The following PIWIL2 variants were observed in gnomAD, a reference collection of about 807,000 sequenced individuals.
The protein encoded by PIWIL2 is piwi like RNA-mediated gene silencing 2.
PIWIL2 carries 81 observed loss-of-function variants against 116.5 expected under a neutral mutation model. That is an observed-to-expected ratio of 0.70 (90% CI 0.58 to 0.84). The LOEUF (loss-of-function observed/expected upper bound fraction) is 0.84, where lower values mean the gene tolerates loss of function less well. PIWIL2 is among the 40% of genes least tolerant of loss of function. PIWIL2 has a pLI of 0.00. For synonymous variants in PIWIL2, 489 were observed against 429.5 expected (o/e 1.14, Z -1.71); for missense variants, 1,272 against 1,212.3 (o/e 1.05, Z -0.73).
chr8:22,348,198 G>A (rs1489419742), intron 20 of PIWIL2, among the ~76,000 whole-genome samples: 1 of 151,894 alleles, frequency 6.6e-6, no homozygotes, highest in African/African-American at 2.4e-5. Context: ...CTACTCGGGG[G>A]CCGAGGCAGG....
rs754648485 is a variant in PIWIL2 at position 22,322,424 on chromosome 8, T to C, written c.2403+4149T>C. 3.3e-5 allele frequency among the ~76,000 whole-genome samples: 5 copies of C among 152,114 alleles called. No homozygotes were observed. In the East Asian group the frequency reaches 9.7e-4, roughly 29 times the overall value. The stretch of plus-strand genomic sequence containing the variant: ...TACCACCACACCCAGCTAATTTTTG[T>C]ATTTTTTGTAGAGACAGAGGGTCAC... On this transcript the variant is annotated intron_variant, in intron 20 of 22. Coordinates refer to ENST00000356766, the MANE Select transcript of PIWIL2 (RefSeq NM_018068.5).
At chr8:22,287,690 G>T in intron 7 of PIWIL2, 45 bp downstream of exon 7, 1 of 1,220,166 alleles carries the variant, frequency 8.2e-7, no homozygotes. Context: ...CCCTAAGAGT[G>T]CTCTGGCGTT....
intron 20 of PIWIL2, among the ~76,000 whole-genome samples, chr8:22,347,191 G>A (rs1354067084): frequency 6.8e-6 from 1 of 146,678 alleles, no homozygotes. Context: ...AAAAAAAGTA[G>A]CAAATTCAGC....
chr8:22,331,986 A>G (rs1467400734), intron 20 of PIWIL2, among the ~76,000 whole-genome samples: 3 of 152,144 alleles, frequency 2.0e-5, no homozygotes. Context: ...AGTAGCTTAG[A>G]TATAGCTGAG....
intron 1 of PIWIL2, among the ~76,000 whole-genome samples, chr8:22,278,617 G>A (rs1002030175): frequency 2.0e-5 from 3 of 152,196 alleles, no homozygotes; most frequent in Non-Finnish European, 4.4e-5. Context: ...AGGAGGACAC[G>A]GGCCTCTAAG....
chr8:22,355,082 A>C (rs912837007), intron 22 of PIWIL2, among the ~76,000 whole-genome samples: 5 of 151,546 alleles, frequency 3.3e-5, no homozygotes, highest in Non-Finnish European at 7.4e-5. Flanking sequence ...AAAAAAAACA[A>C]AACAAAAAAC....
chr8:22,332,986 G>A (rs1445269788), intron 20 of PIWIL2, among the ~76,000 whole-genome samples: 5 of 151,878 alleles, frequency 3.3e-5, no homozygotes, highest in Non-Finnish European at 5.9e-5. Flanking sequence ...CTATATATTT[G>A]TCTGTGCATA....
intron 20 of PIWIL2, among the ~76,000 whole-genome samples, chr8:22,350,320 G>C (rs760835457): frequency 4.6e-5 from 7 of 152,192 alleles, no homozygotes; most frequent in South Asian, 4.1e-4. Flanking sequence ...TACAGGCCAG[G>C]TATGGTATCT....
At chr8:22,301,725 T>TG (rs925059491) in intron 10 of PIWIL2, among the ~76,000 whole-genome samples, 1 of 118,220 alleles carries the variant, frequency 8.5e-6, no homozygotes, top group African/African-American at 2.6e-5. Context: ...AAAGATTTTC[T>TG]GTTTTTTTTT....
intron 20 of PIWIL2, among the ~76,000 whole-genome samples, chr8:22,340,548 G>C (rs191969125): frequency 5.8e-4 from 89 of 152,210 alleles, no homozygotes; most frequent in East Asian, 1.5e-3. Flanking sequence ...AGAAGACAGG[G>C]ATAGGACACA....
At chr8:22,327,189 C>A (rs1183156196) in intron 20 of PIWIL2, among the ~76,000 whole-genome samples, 1 of 151,436 alleles carries the variant, frequency 6.6e-6, no homozygotes, top group Non-Finnish European at 1.5e-5. Context: ...CCACCACACC[C>A]AGCTAATTTT....
chr8:22,312,521 C>G (rs1382783420), intron 16 of PIWIL2, among the ~76,000 whole-genome samples: 1 of 152,122 alleles, frequency 6.6e-6, no homozygotes, highest in African/African-American at 2.4e-5. Context: ...CTGCCTCAAC[C>G]TCCCAAAGCA....
intron 20 of PIWIL2, among the ~76,000 whole-genome samples, chr8:22,344,658 AG>A (rs1563426877): frequency 6.6e-6 from 1 of 152,176 alleles, no homozygotes; most frequent in Non-Finnish European, 1.5e-5. Flanking sequence ...GCTTGAGCCC[AG>A]GAGTTTGAGA....
chr8:22,354,380 T>G lies in PIWIL2; in HGVS notation c.2765+2T>G, dbSNP rs1388149283. 3.2e-6 allele frequency: 5 copies of G among 1,581,654 alleles called. No individual in the cohort carries two copies. The highest frequency in any genetic ancestry group is 3.5e-6 in the Non-Finnish European group (4 of 1,150,432). On this transcript the variant is annotated splice_donor_variant, in intron 22 of 22. Transcript: ENST00000356766. LOFTEE classifies it high-confidence loss of function. ...CCTGAGCCCTGATCATATGCAGAGG[T>G]GGGCCCATCAGTAACTTACTCTTTC...
intron 13 of PIWIL2, 79 bp from the exon 14 acceptor site, chr8:22,307,852 ATT>A (rs1831224330): frequency 9.2e-7 from 1 of 1,088,296 alleles, no homozygotes; most frequent in South Asian, 1.6e-5. Context: ...AAAGAGAAAC[ATT>A]TTAGACCTAC....
chr8:22,286,160 A>G (rs773094918), intron 6 of PIWIL2, among the ~76,000 whole-genome samples: 1 of 152,246 alleles, frequency 6.6e-6, no homozygotes, highest in Non-Finnish European at 1.5e-5. Context: ...GGCCACAGGA[A>G]AAAAAGCAAC....
rs56755716 is a variant in PIWIL2 at position 22,307,473 on chromosome 8, ATTTTTTT to A, written c.1546-440_1546-434del. Among the ~76,000 whole-genome samples, 132 of 111,234 alleles carry A rather than the reference ATTTTTTT, an allele frequency of 1.2e-3. 7 individuals are homozygous for A. Among genetic ancestry groups the A allele is most frequent in the African/African-American group, 1.5e-3 (34 of 22,652 alleles). The allele number at this position is 111,234 out of a possible 152,430, so 73.0% of individuals were successfully genotyped here. On this transcript the variant is annotated intron_variant, in intron 13 of 22. Coordinates refer to ENST00000356766, the MANE Select transcript of PIWIL2 (RefSeq NM_018068.5). ...GACATTTGAAATTCTTTTATTATTC[ATTTTTTT>A]TTTTTTTTTTTTTTTTTTTGGAGAT...
chr8:22,297,925 A>G (rs985182414), intron 10 of PIWIL2, among the ~76,000 whole-genome samples: 1 of 152,196 alleles, frequency 6.6e-6, no homozygotes, highest in Non-Finnish European at 1.5e-5. Context: ...AAAATGCCTT[A>G]TATGTATAGA....
At chr8:22,333,464 TAGCC>T (rs897441412) in intron 20 of PIWIL2, among the ~76,000 whole-genome samples, 1 of 151,662 alleles carries the variant, frequency 6.6e-6, no homozygotes, top group Non-Finnish European at 1.5e-5. Context: ...GTAACAAAAT[TAGCC>T]AGGCATGGTG....
Sources: gnomAD v4.1 joint callset for allele counts (sites outside exome capture counted in the v4.1 genomes callset) on GRCh38, gnomAD v4.1.1 for gene constraint, MANE v1.5 for transcripts, NCBI Gene and HGNC (gene_info 2026-07-23, HGNC 2026-07-21) for gene names.